HACD2: variants seen among roughly 807,000 people sequenced by gnomAD.
HACD2 encodes 3-hydroxyacyl-CoA dehydratase 2.
A neutral mutation model predicts 31.0 loss-of-function variants in HACD2; 15 were observed. That is an observed-to-expected ratio of 0.48 (90% confidence interval 0.32 to 0.75). HACD2 has a LOEUF of 0.75. Ranked by LOEUF, HACD2 falls within the 30% of genes least tolerant of loss-of-function variation. The pLI, the probability that HACD2 is intolerant of heterozygous loss-of-function variation, is 0.03. For missense variants in HACD2, 283 were observed against 313.0 expected (o/e 0.90, Z 0.72); for synonymous variants, 115 against 122.2 (o/e 0.94, Z 0.39).
At chr3:123,539,897 G>A (rs2056467490) in intron 3 of HACD2, among the ~76,000 whole-genome samples, 1 of 109,886 alleles carries the variant, frequency 9.1e-6, no homozygotes, top group East Asian at 3.0e-4. Context: ...AACATGGCAA[G>A]GCCTCGTCTC....
At chr3:123,542,243 C>G (rs145525079) in intron 3 of HACD2, among the ~76,000 whole-genome samples, 1 of 141,480 alleles carries the variant, frequency 7.1e-6, no homozygotes, top group Non-Finnish European at 1.6e-5. Flanking sequence ...CATAAATAGA[C>G]AATTCACACA....
chr3:123,525,576 C>T (rs2056270789), intron 4 of HACD2, among the ~76,000 whole-genome samples: 1 of 152,162 alleles, frequency 6.6e-6, no homozygotes, highest in Non-Finnish European at 1.5e-5. Flanking sequence ...GTTATATAGG[C>T]TACACCCTAG....
chr3:123,514,724 G>C (rs1470736979), intron 4 of HACD2, among the ~76,000 whole-genome samples: 1 of 152,154 alleles, frequency 6.6e-6, no homozygotes, highest in African/African-American at 2.4e-5. Flanking sequence ...AACTTGCTTT[G>C]AAGAAGGGCT....
chr3:123,538,037 GAGA>G (rs1315752278), intron 3 of HACD2, among the ~76,000 whole-genome samples: 7 of 152,134 alleles, frequency 4.6e-5, no homozygotes, highest in African/African-American at 1.4e-4. Context: ...GACCAAAATG[GAGA>G]AGGATGGGAT....
chr3:123,584,918 A>G lies in HACD2; in HGVS notation c.110T>C (p.Leu37Pro). The G allele has an allele frequency of 2.0e-6, 3 of 1,527,190 alleles. No homozygotes were observed. Among genetic ancestry groups the G allele is most frequent in the Non-Finnish European group, 2.6e-6 (3 of 1,137,066 alleles). 94.6% of individuals were successfully genotyped at this position (1,527,190 alleles called of 1,614,324 possible). A position where few individuals can be genotyped will look rare whatever the true frequency, so the allele number is the denominator to read the frequency against. The stretch of plus-strand genomic sequence containing the variant: ...GTAGATGACCAGGTACGCCGTGGCC[A>G]GGGGCCCCGGGCCCTTCTTCTTCCG... ...GTRKKKGPGP[L>P]ATAYLVIYNV... The change falls in exon 1 of 7, where the codon CTG becomes CCG. Residue 37 changes from leucine to proline, a missense_variant. By Grantham distance (98) the Leu-to-Pro change is moderately conservative. Coordinates refer to ENST00000383657, the MANE Select transcript of HACD2 (RefSeq NM_198402.5).
At chr3:123,526,236 C>T (rs963544997) in intron 4 of HACD2, among the ~76,000 whole-genome samples, 4 of 152,224 alleles carry the variant, frequency 2.6e-5, no homozygotes, top group Non-Finnish European at 5.9e-5. Flanking sequence ...GCCACAGCAA[C>T]AGGCTTTTCA....
chr3:123,534,364 G>C lies in HACD2; in HGVS notation c.293-5890C>G, dbSNP rs368477629. On this transcript the variant is annotated intron_variant, in intron 3 of 6. Coordinates refer to ENST00000383657, the MANE Select transcript of HACD2 (RefSeq NM_198402.5). ...TGAAAAATTCCTGTTACCTAGTAAT[G>C]TCCATTGTTAACATTATAATGCAAC... Among the ~76,000 whole-genome samples the C allele has an allele frequency of 2.6e-5, 4 of 151,818 alleles. No individual in the cohort carries two copies. In the East Asian group the frequency reaches 7.7e-4, roughly 29 times the overall value.
chr3:123,576,929 G>A (rs2056913649), intron 2 of HACD2, among the ~76,000 whole-genome samples: 1 of 152,194 alleles, frequency 6.6e-6, no homozygotes, highest in Non-Finnish European at 1.5e-5. Flanking sequence ...GTGAAGTGAG[G>A]TCTGCAGAGT....
rs936739831 is a variant in HACD2 at position 123,520,191 on chromosome 3, G to A, written c.381+8195C>T. ...CATCATTTCCCACACCTGCAATTAG[G>A]ATTTTTATGACAATTTAATCTAGAG... is the stretch of plus-strand genomic sequence containing the variant. On this transcript the variant is annotated intron_variant, in intron 4 of 6. Transcript: ENST00000383657. Among the ~76,000 whole-genome samples, 3 of 152,014 alleles carry A rather than the reference G, an allele frequency of 2.0e-5. No homozygotes were observed. In the East Asian group the frequency reaches 5.8e-4, roughly 29 times the overall value.
At chr3:123,572,462 C>T (rs937773493) in intron 2 of HACD2, among the ~76,000 whole-genome samples, 3 of 152,180 alleles carry the variant, frequency 2.0e-5, no homozygotes, top group African/African-American at 4.8e-5. Context: ...GAGCTACAAT[C>T]ATGCCACTGC....
At position 123,528,576 on chromosome 3, in the gene HACD2, G is replaced by C. The variant is rs139015523; in HGVS notation, c.293-102C>G. 18 of 747,778 alleles carry C rather than the reference G, an allele frequency of 2.4e-5. No individual in the cohort carries two copies. In the African/African-American group the frequency reaches 2.4e-4, roughly 10 times the overall value. 46.3% of individuals were successfully genotyped at this position (747,778 alleles called of 1,614,324 possible). ...CAACTTAAATGTTTAGAGTCAAAAC[G>C]GTCTTGAGCAACTGAAAGGTGTCTA... On this transcript the variant is annotated intron_variant, in intron 3 of 6. Transcript: ENST00000383657.
intron 3 of HACD2, among the ~76,000 whole-genome samples, chr3:123,532,351 C>A (rs1448247607): frequency 6.6e-6 from 1 of 152,154 alleles, no homozygotes; most frequent in African/African-American, 2.4e-5. Flanking sequence ...CAGCAAACAG[C>A]AGTTCAGGCC....
chr3:123,558,115 G>C (rs2056691268), intron 3 of HACD2, among the ~76,000 whole-genome samples: 1 of 152,188 alleles, frequency 6.6e-6, no homozygotes. Context: ...GGGCTATCAA[G>C]CCATGAAAAG....
At chr3:123,511,240 C>A (rs1268438480) in intron 4 of HACD2, among the ~76,000 whole-genome samples, 6 of 152,044 alleles carry the variant, frequency 3.9e-5, no homozygotes. Flanking sequence ...CTCACTGAAT[C>A]CCCATTTTAC....
intron 3 of HACD2, among the ~76,000 whole-genome samples, chr3:123,554,039 T>C (rs907780380): frequency 1.0e-3 from 10 of 9,818 alleles, no homozygotes; most frequent in Non-Finnish European, 2.1e-3. Flanking sequence ...TGCTGCATTG[T>C]CACCTTGTTT....
chr3:123,532,578 C>A (rs2056376058), intron 3 of HACD2, among the ~76,000 whole-genome samples: 1 of 152,140 alleles, frequency 6.6e-6, no homozygotes, highest in Non-Finnish European at 1.5e-5. Flanking sequence ...CGCCTGTAAT[C>A]CCAGCACTTT....
intron 2 of HACD2, among the ~76,000 whole-genome samples, chr3:123,580,078 T>C (rs13070103): frequency 1.3e-5 from 2 of 151,860 alleles, no homozygotes; most frequent in Non-Finnish European, 2.9e-5. Flanking sequence ...ATGCCTAAGT[T>C]TGGACACTAT....
chr3:123,528,440 G>T lies in HACD2; in HGVS notation c.327C>A (p.Phe109Leu), dbSNP rs779287470. 3 of 1,612,984 alleles carry T rather than the reference G, an allele frequency of 1.9e-6. No individual in the cohort carries two copies. The highest frequency in any genetic ancestry group is 1.1e-5 in the South Asian group (1 of 91,042). Reference sequence around the variant, plus strand: ...TTAGAAAAACTCTTGACATCACCTGGAAAGAAGTCAGGACAACAGAAGATG... The same window carrying T: ...TTAGAAAAACTCTTGACATCACCTGTAAAGAAGTCAGGACAACAGAAGATG... ...IVPSSVVLTS[F>L]QVMSRVFLIW... The change falls in exon 4 of 7, where the codon TTC (phenylalanine) becomes TTA (leucine). Residue 109 changes from phenylalanine to leucine, a missense_variant. Around this residue, in one of 3 missense-constraint regions of HACD2, gnomAD observed 158 missense variants for 148.3 expected, o/e 1.07. Transcript: ENST00000383657.
At chr3:123,528,240 A>C in intron 4 of HACD2, 146 bp downstream of exon 4, 1 of 613,802 alleles carries the variant, frequency 1.6e-6, no homozygotes, top group Non-Finnish European at 2.9e-6. Context: ...CCCAGTTCCT[A>C]CAGTGAATGT....
Sources: allele counts gnomAD v4.1 joint callset (sites outside exome capture counted in the v4.1 genomes callset), GRCh38; gene constraint gnomAD v4.1.1; regional missense constraint gnomAD v4.1.1; transcripts MANE v1.5; gene names NCBI Gene and HGNC (gene_info 2026-07-23, HGNC 2026-07-21).